QTMAN: variants seen among roughly 807,000 people sequenced by gnomAD.
QTMAN encodes the protein queuosine-tRNA mannosyltransferase.
the QTMAN span, among the ~76,000 whole-genome samples, chr2:144,308,171 T>G: frequency 4.8e-5 from 7 of 147,028 alleles, no homozygotes; most frequent in Non-Finnish European, 1.5e-5. Context: ...TGTTTTTTTT[T>G]TTTTTTTTTT....
the QTMAN span, among the ~76,000 whole-genome samples, chr2:144,228,914 C>T: frequency 1.3e-5 from 2 of 151,900 alleles, no homozygotes; most frequent in Non-Finnish European, 2.9e-5. Flanking sequence ...GCCAAGATCG[C>T]GCCACTGCAC....
chr2:144,221,389 A>C, the QTMAN span, among the ~76,000 whole-genome samples: 60 of 152,258 alleles, frequency 3.9e-4, no homozygotes, highest in Non-Finnish European at 7.2e-4. Flanking sequence ...TGATCAAAAA[A>C]TATAATGAAT....
the QTMAN span, among the ~76,000 whole-genome samples, chr2:143,975,041 C>T: frequency 1.3e-5 from 2 of 152,182 alleles, no homozygotes; most frequent in Non-Finnish European, 2.9e-5. Context: ...TGCACCACCA[C>T]TATGGCAGAA....
chr2:144,071,197 T>TG, the QTMAN span, among the ~76,000 whole-genome samples: 1 of 151,880 alleles, frequency 6.6e-6, no homozygotes, highest in Non-Finnish European at 1.5e-5. Context: ...TGCCACTGTT[T>TG]TTTTTTTTTT....
At chr2:144,155,374 T>C in the QTMAN span, among the ~76,000 whole-genome samples, 1 of 152,202 alleles carries the variant, frequency 6.6e-6, no homozygotes, top group African/African-American at 2.4e-5. Context: ...AAAGAGCATC[T>C]AACTTGCTGA....
At chr2:144,168,851 TTA>T in the QTMAN span, among the ~76,000 whole-genome samples, 1 of 152,040 alleles carries the variant, frequency 6.6e-6, no homozygotes, top group Non-Finnish European at 1.5e-5. Context: ...AAGGAATATC[TTA>T]GTTATTCATC....
chr2:144,140,528 G>A, the QTMAN span, among the ~76,000 whole-genome samples: 2 of 151,976 alleles, frequency 1.3e-5, no homozygotes, highest in African/African-American at 4.8e-5. Context: ...TTCAAAAGTT[G>A]TAGTTCTCTC....
chr2:144,328,758 TTAG>T, the QTMAN span, among the ~76,000 whole-genome samples: 1 of 152,094 alleles, frequency 6.6e-6, no homozygotes, highest in African/African-American at 2.4e-5. Context: ...TTCAGTAATA[TTAG>T]TAGAAAGAAA....
the QTMAN span, among the ~76,000 whole-genome samples, chr2:144,146,911 G>A: frequency 0.17 from 25,040 of 151,698 alleles, 3,990 homozygotes; most frequent in African/African-American, 0.4. Context: ...GTCTTCTAAG[G>A]GCTCAAACTG....
the QTMAN span, among the ~76,000 whole-genome samples, chr2:144,301,918 G>A: frequency 6.6e-6 from 1 of 152,168 alleles, no homozygotes; most frequent in African/African-American, 2.4e-5. Flanking sequence ...ATGGCAGTAG[G>A]TATAAATAAG....
At chr2:144,007,164 TG>T in the QTMAN span, 2 of 1,406,464 alleles carry the variant, frequency 1.4e-6, no homozygotes, top group Middle Eastern at 3.7e-4. Flanking sequence ...CTTACTAAAT[TG>T]GCATGCCTTG....
chr2:144,278,979 T>A, the QTMAN span, among the ~76,000 whole-genome samples: 1 of 152,164 alleles, frequency 6.6e-6, no homozygotes, highest in Non-Finnish European at 1.5e-5. Flanking sequence ...GGTGCTGCTT[T>A]CATTTTACAA....
chr2:144,145,462 T>C, the QTMAN span: 4 of 672,076 alleles, frequency 6.0e-6, no homozygotes, highest in African/African-American at 1.8e-5. Context: ...ACCTACCTTA[T>C]GGTGTTTTAA....
chr2:144,121,263 C>T, the QTMAN span, among the ~76,000 whole-genome samples: 1 of 152,140 alleles, frequency 6.6e-6, no homozygotes, highest in Non-Finnish European at 1.5e-5. Context: ...TACCCTCGCA[C>T]AGTATGCAGT....
chr2:144,136,060 T>C, the QTMAN span, among the ~76,000 whole-genome samples: 1 of 152,096 alleles, frequency 6.6e-6, no homozygotes, highest in African/African-American at 2.4e-5. Flanking sequence ...GCAAGGTGGC[T>C]CATGGTTGTA....
At chr2:144,264,449 G>A in the QTMAN span, among the ~76,000 whole-genome samples, 1 of 152,182 alleles carries the variant, frequency 6.6e-6, no homozygotes, top group Non-Finnish European at 1.5e-5. Context: ...ATCATGCCCT[G>A]ATTTTGGTCC....
the QTMAN span, chr2:144,235,620 A>G: frequency 6.6e-6 from 1 of 152,568 alleles, no homozygotes; most frequent in Non-Finnish European, 1.5e-5. Flanking sequence ...AAATGCCCGC[A>G]TATTGCCACA....
chr2:144,190,880 T>C, the QTMAN span, among the ~76,000 whole-genome samples: 1 of 152,180 alleles, frequency 6.6e-6, no homozygotes, highest in Non-Finnish European at 1.5e-5. Context: ...CCATGTAAAT[T>C]TGCATCATTG....
At chr2:144,180,764 T>A in the QTMAN span, among the ~76,000 whole-genome samples, 1 of 152,174 alleles carries the variant, frequency 6.6e-6, no homozygotes, top group Non-Finnish European at 1.5e-5. Context: ...GTATATTGGT[T>A]TTCCTAGTTA....
Sources: gnomAD v4.1 joint callset for allele counts (sites outside exome capture counted in the v4.1 genomes callset) on GRCh38, gnomAD v4.1.1 for gene constraint, MANE v1.5 for transcripts, NCBI Gene and HGNC (gene_info 2026-07-23, HGNC 2026-07-21) for gene names.